The following LDLRAD4 variants were observed in gnomAD, a reference collection of about 807,000 sequenced individuals.
LDLRAD4 encodes the protein low density lipoprotein receptor class A domain containing 4.
A neutral mutation model predicts 17.0 loss-of-function variants in LDLRAD4; 5 were observed. The ratio of observed to expected loss-of-function variants is 0.29; its 90% CI spans 0.15 to 0.62. LDLRAD4 has a LOEUF of 0.62. Ranked by LOEUF, LDLRAD4 falls within the 20% of genes least tolerant of loss-of-function variation. LDLRAD4 has a pLI of 0.84. For missense variants in LDLRAD4, 340 were observed against 424.7 expected, an observed-to-expected ratio of 0.80 and a Z score of 1.75; for synonymous variants, 168 against 171.8, an observed-to-expected ratio of 0.98 and a Z score of 0.17.
At chr18:13,422,046 G>T (rs549559530) in intron 2 of LDLRAD4, among the ~76,000 whole-genome samples, 4 of 152,350 alleles carry the variant, frequency 2.6e-5, no homozygotes, top group African/African-American at 9.6e-5. Context: ...TTTCAAATAC[G>T]TTAATTTCTG....
intron 1 of LDLRAD4, among the ~76,000 whole-genome samples, chr18:13,348,613 A>G (rs922705353): frequency 6.6e-6 from 1 of 152,130 alleles, no homozygotes; most frequent in Non-Finnish European, 1.5e-5. Flanking sequence ...AGACAGGGAC[A>G]TTTAAGTCTG....
At chr18:13,375,214 A>T (rs1010109906) in intron 1 of LDLRAD4, among the ~76,000 whole-genome samples, 1 of 152,210 alleles carries the variant, frequency 6.6e-6, no homozygotes, top group African/African-American at 2.4e-5. Flanking sequence ...GCCAGGACTC[A>T]TCTGGAGGAG....
chr18:13,219,192 G>A (rs956704186), intron 1 of LDLRAD4, among the ~76,000 whole-genome samples: 1 of 151,794 alleles, frequency 6.6e-6, no homozygotes, highest in African/African-American at 2.4e-5. Context: ...AGAGTACAGC[G>A]TTCTTGGGTC....
At chr18:13,567,267 A>T (rs999368229) in intron 3 of LDLRAD4, among the ~76,000 whole-genome samples, 1 of 152,226 alleles carries the variant, frequency 6.6e-6, no homozygotes, top group African/African-American at 2.4e-5. Flanking sequence ...TAGGGAAGAA[A>T]CACAAGTACC....
chr18:13,348,371 A>C (rs1193361758), intron 1 of LDLRAD4, among the ~76,000 whole-genome samples: 1 of 152,092 alleles, frequency 6.6e-6, no homozygotes, highest in Non-Finnish European at 1.5e-5. Context: ...TCAGCAGTGG[A>C]GGCTGCAGAA....
At chr18:13,415,593 A>G (rs2088810746) in intron 2 of LDLRAD4, among the ~76,000 whole-genome samples, 1 of 152,194 alleles carries the variant, frequency 6.6e-6, no homozygotes, top group African/African-American at 2.4e-5. Context: ...AGTTTCAGGT[A>G]CGTAGTGTAC....
At chr18:13,397,764 G>T (rs1031100904) in intron 2 of LDLRAD4, among the ~76,000 whole-genome samples, 2 of 152,182 alleles carry the variant, frequency 1.3e-5, no homozygotes, top group Admixed American at 1.3e-4. Flanking sequence ...AGCACTCCTC[G>T]TACTGGGAGT....
At chr18:13,432,144 G>C (rs1345757199) in intron 2 of LDLRAD4, among the ~76,000 whole-genome samples, 1 of 152,218 alleles carries the variant, frequency 6.6e-6, no homozygotes, top group Non-Finnish European at 1.5e-5. Flanking sequence ...CCCCAGGGGA[G>C]TGAGTGCGTG....
intron 3 of LDLRAD4, among the ~76,000 whole-genome samples, chr18:13,554,787 ACT>A (rs2094467883): frequency 6.6e-6 from 1 of 152,028 alleles, no homozygotes; most frequent in African/African-American, 2.4e-5. Context: ...TTATGTAGAC[ACT>A]CTGCCCTCAA....
At chr18:13,475,410 G>A (rs910615917) in intron 3 of LDLRAD4, among the ~76,000 whole-genome samples, 4 of 147,514 alleles carry the variant, frequency 2.7e-5, no homozygotes, top group Non-Finnish European at 5.9e-5. Flanking sequence ...TCTGGTGCTC[G>A]CCACCACACC....
intron 1 of LDLRAD4, among the ~76,000 whole-genome samples, chr18:13,298,946 G>C (rs2046430769): frequency 6.6e-6 from 1 of 152,232 alleles, no homozygotes; most frequent in Non-Finnish European, 1.5e-5. Context: ...GCATCCACAG[G>C]CTGCCTTCAT....
chr18:13,331,567 T>A (rs1178853352), intron 1 of LDLRAD4, among the ~76,000 whole-genome samples: 1 of 152,218 alleles, frequency 6.6e-6, no homozygotes, highest in African/African-American at 2.4e-5. Flanking sequence ...TTCTTCCGAG[T>A]TTTGCATCTG....
At chr18:13,551,771 C>T (rs1481451472) in intron 3 of LDLRAD4, among the ~76,000 whole-genome samples, 4 of 152,078 alleles carry the variant, frequency 2.6e-5, no homozygotes, top group African/African-American at 9.7e-5. Flanking sequence ...AGCAGGTGTT[C>T]GTTCTTTTTG....
chr18:13,559,263 T>C (rs930272352), intron 3 of LDLRAD4, among the ~76,000 whole-genome samples: 4 of 152,200 alleles, frequency 2.6e-5, no homozygotes, highest in Admixed American at 6.5e-5. Flanking sequence ...TGCTTCCTTG[T>C]GGGGTTTCTG....
At chr18:13,516,733 G>T (rs2093873345) in intron 3 of LDLRAD4, among the ~76,000 whole-genome samples, 1 of 152,154 alleles carries the variant, frequency 6.6e-6, no homozygotes, top group Non-Finnish European at 1.5e-5. Flanking sequence ...CTGGATAATG[G>T]CGATTCATTT....
intron 3 of LDLRAD4, among the ~76,000 whole-genome samples, chr18:13,525,780 CAGACTATG>C (rs2094021375): frequency 6.6e-6 from 1 of 152,216 alleles, no homozygotes; most frequent in African/African-American, 2.4e-5. Flanking sequence ...CCTTACTTAG[CAGACTATG>C]AGACGTGCTG....
At chr18:13,650,434 T>G in exon 6 of LDLRAD4, 1 of 398,540 alleles carries the variant, frequency 2.5e-6, no homozygotes, top group Non-Finnish European at 4.4e-6. Context: ...ACACTATCCG[T>G]GCACATTATA....
intron 1 of LDLRAD4, among the ~76,000 whole-genome samples, chr18:13,256,752 AAG>A (rs1266415818): frequency 6.6e-6 from 1 of 152,158 alleles, no homozygotes; most frequent in Admixed American, 6.5e-5. Flanking sequence ...GCTGGCATGG[AAG>A]AGAGAGCCTC....
At chr18:13,232,411 A>C (rs1434212225) in intron 1 of LDLRAD4, among the ~76,000 whole-genome samples, 1 of 152,162 alleles carries the variant, frequency 6.6e-6, no homozygotes, top group Non-Finnish European at 1.5e-5. Context: ...TCGGCTGTGG[A>C]TGCAAGTTGA....
Sources: allele counts gnomAD v4.1 joint callset (sites outside exome capture counted in the v4.1 genomes callset), GRCh38; gene constraint gnomAD v4.1.1; transcripts MANE v1.5; gene names NCBI Gene and HGNC (gene_info 2026-07-23, HGNC 2026-07-21).